The following SYT2 variants were observed in gnomAD, a reference collection of about 807,000 sequenced individuals.
SYT2 encodes synaptotagmin 2.
Under a neutral mutation model 39.9 loss-of-function variants are expected in SYT2, and 15 were observed. That is an observed-to-expected ratio of 0.38 (90% confidence interval 0.25 to 0.58). SYT2 has a LOEUF of 0.58. Ranked by LOEUF, SYT2 falls within the 20% of genes least tolerant of loss-of-function variation. The pLI, the probability that SYT2 is intolerant of heterozygous loss-of-function variation, is 0.70. For synonymous variants in SYT2, 181 were observed against 204.5 expected, an observed-to-expected ratio of 0.89 and a Z score of 0.98; for missense variants, 389 against 530.3, an observed-to-expected ratio of 0.73 and a Z score of 2.62.
chr1:202,698,005 C>G (rs1244026064), intron 1 of SYT2, among the ~76,000 whole-genome samples: 2 of 152,014 alleles, frequency 1.3e-5, no homozygotes, highest in Non-Finnish European at 2.9e-5. Flanking sequence ...CAGGAGGAGC[C>G]AGAGGGAAAG....
chr1:202,651,790 G>C (rs1692199121), intron 1 of SYT2, among the ~76,000 whole-genome samples: 1 of 152,208 alleles, frequency 6.6e-6, no homozygotes, highest in Admixed American at 6.5e-5. Context: ...GGCAGGCGTG[G>C]TGGCTCACGC....
chr1:202,709,607 C>T (rs1172502226), intron 1 of SYT2, among the ~76,000 whole-genome samples: 1 of 152,140 alleles, frequency 6.6e-6, no homozygotes, highest in Non-Finnish European at 1.5e-5. Flanking sequence ...GACGGGGCGT[C>T]CTAGGTCGTG....
chr1:202,645,394 G>A (rs866882489), intron 1 of SYT2, among the ~76,000 whole-genome samples: 41 of 152,330 alleles, frequency 2.7e-4, no homozygotes, highest in African/African-American at 9.9e-4. Flanking sequence ...TTGCTAGGAC[G>A]AGGGAGGATG....
chr1:202,637,846 G>A (rs1321839986), intron 1 of SYT2, among the ~76,000 whole-genome samples: 1 of 152,228 alleles, frequency 6.6e-6, no homozygotes, highest in Non-Finnish European at 1.5e-5. Context: ...CAATTTGGTG[G>A]CTGCGGGACC....
At position 202,654,120 on chromosome 1, in the gene SYT2, A is replaced by G. The variant is rs111654701; in HGVS notation, c.-17-48331T>C. Among the ~76,000 whole-genome samples, 1,231 of 152,314 alleles carry G rather than the reference A, an allele frequency of 8.1e-3. 16 individuals are homozygous for G. The highest frequency in any genetic ancestry group is 0.028 in the African/African-American group (1,153 of 41,566). On this transcript the variant is annotated intron_variant, in intron 1 of 8. Transcript: ENST00000367268. ...AGTGTTCAGGTCTCTGCCCTTGCCC[A>G]GCCACAGCTGAGCTTACTGGGGAAA... is the stretch of plus-strand genomic sequence containing the variant.
chr1:202,700,005 A>AATTCCAGTATAAG (rs1301367125), intron 1 of SYT2, among the ~76,000 whole-genome samples: 1 of 152,174 alleles, frequency 6.6e-6, no homozygotes, highest in Non-Finnish European at 1.5e-5. Flanking sequence ...AGCTTAAGAG[A>AATTCCAGTATAAG]ATTCCAGTAT....
intron 1 of SYT2, among the ~76,000 whole-genome samples, chr1:202,624,758 G>T (rs796977821): frequency 0.016 from 170 of 10,602 alleles, no homozygotes; most frequent in Middle Eastern, 0.036. Flanking sequence ...GGTGTGTGGT[G>T]TGTGTGTGGT....
chr1:202,631,255 C>T (rs1258919529), intron 1 of SYT2, among the ~76,000 whole-genome samples: 1 of 152,128 alleles, frequency 6.6e-6, no homozygotes, highest in East Asian at 1.9e-4. Flanking sequence ...TTCCAGTTCA[C>T]CCTACAGATG....
rs572736578 is a variant in SYT2, at chr1:202,595,168, C to T, written c.*1589G>A. 1 of 152,466 alleles carries T rather than the reference C, an allele frequency of 6.6e-6. No homozygotes were observed. The highest frequency in any genetic ancestry group is 6.5e-5 in the Admixed American group (1 of 15,310). The allele number at this position is 152,466 out of a possible 1,614,324, so 9.4% of individuals were successfully genotyped here. A position where few individuals can be genotyped will look rare whatever the true frequency, so the allele number is the denominator to read the frequency against. ...GGCAAGGAGGGCTGGCCTCTGGCCA[C>T]AAGGGGACCTCACTCTGTTGTCCAG... On this transcript the variant is annotated 3_prime_UTR_variant, in exon 9 of 9. Coordinates refer to ENST00000367268, the MANE Select transcript of SYT2 (RefSeq NM_177402.5).
At chr1:202,640,790 GAGACAGAC>G (rs796898888) in intron 1 of SYT2, among the ~76,000 whole-genome samples, 40 of 120,090 alleles carry the variant, frequency 3.3e-4, no homozygotes, top group Non-Finnish European at 4.8e-4. Flanking sequence ...GAGAGAGAGA[GAGACAGAC>G]AGACAGAGAG....
intron 1 of SYT2, among the ~76,000 whole-genome samples, chr1:202,629,896 GTT>G: frequency 2.7e-5 from 3 of 109,520 alleles, no homozygotes; most frequent in South Asian, 2.4e-4. Context: ...CGGCAGGTGT[GTT>G]GCTCAGAAGT....
At chr1:202,610,319 G>A (rs1387145105) in intron 1 of SYT2, among the ~76,000 whole-genome samples, 7 of 152,126 alleles carry the variant, frequency 4.6e-5, no homozygotes, top group Admixed American at 6.5e-5. Flanking sequence ...GTCAGGTACT[G>A]TGATGCCTCC....
chr1:202,650,414 G>GTTT (rs1558448699), intron 1 of SYT2, among the ~76,000 whole-genome samples: 3 of 150,732 alleles, frequency 2.0e-5, no homozygotes, highest in Admixed American at 6.6e-5. Context: ...TTTGGGGTCT[G>GTTT]CCAAACATTT....
Position 202,596,734 on chromosome 1 carries a change from T to C in SYT2, c.*23A>G. 3.1e-6 allele frequency: 5 copies of C among 1,605,310 alleles called. No individual in the cohort carries two copies. Among genetic ancestry groups the C allele is most frequent in the Non-Finnish European group, 4.3e-6 (5 of 1,173,634 alleles). ...GGATCTTGTCAGTGTCCGTGAAAGG[T>C]GTGGGGTCCCAGCCGCTGCTGTCTA... is the stretch of plus-strand genomic sequence containing the variant. On this transcript the variant is annotated 3_prime_UTR_variant, in exon 9 of 9. Transcript: ENST00000367268.
chr1:202,600,693 C>T (rs923219832), intron 6 of SYT2, among the ~76,000 whole-genome samples: 4 of 152,184 alleles, frequency 2.6e-5, no homozygotes, highest in African/African-American at 9.7e-5. Context: ...AGGTTGGGAC[C>T]TCAGGAGCCG....
At chr1:202,629,494 C>G (rs1691511047) in intron 1 of SYT2, among the ~76,000 whole-genome samples, 1 of 152,220 alleles carries the variant, frequency 6.6e-6, no homozygotes, top group Admixed American at 6.5e-5. Context: ...ACATCCTCCT[C>G]TCAGAAGTCA....
rs570589814 is a variant in SYT2 at position 202,678,198 on chromosome 1, T to C, written c.-18+32060A>G. Reference sequence around the variant, plus strand: ...CTGAGGCACAAGAATCATTTGAACCTGGAAGGCAGAGGTTGCAGTGAGCCG... The same window carrying C: ...CTGAGGCACAAGAATCATTTGAACCCGGAAGGCAGAGGTTGCAGTGAGCCG... On this transcript the variant is annotated intron_variant, in intron 1 of 8. Transcript: ENST00000367268. 5.7e-4 allele frequency among the ~76,000 whole-genome samples: 76 copies of C among 133,554 alleles called. 1 individual carries two copies. The South Asian group carries it at 9.5e-3, about 17-fold the overall frequency. 87.6% of individuals were successfully genotyped at this position (133,554 alleles called of 152,430 possible).
chr1:202,601,047 C>T lies in SYT2; in HGVS notation c.802-573G>A, dbSNP rs570969969. 6.6e-6 allele frequency among the ~76,000 whole-genome samples: 1 copy of T among 152,260 alleles called. No homozygotes were observed. The highest frequency in any genetic ancestry group is 2.4e-5 in the African/African-American group (1 of 41,540). ...TATCACTGCAACTCTTTGATGTAAA[C>T]AAGACAAGAATTCTTTGTAACCAAT... On this transcript the variant is annotated intron_variant, in intron 6 of 8. Transcript: ENST00000367268. This position sits in a 1 kb window ranked among gnomAD's most constrained non-coding sequence, Gnocchi z 4.0.
intron 1 of SYT2, among the ~76,000 whole-genome samples, chr1:202,622,525 C>A (rs1256926077): frequency 1.3e-5 from 2 of 152,142 alleles, no homozygotes; most frequent in East Asian, 1.9e-4. Flanking sequence ...CAGCAACACT[C>A]ATTTTCCTTC....
Sources: gnomAD v4.1 joint callset for allele counts (sites outside exome capture counted in the v4.1 genomes callset) on GRCh38, gnomAD v4.1.1 for gene constraint, Gnocchi (gnomAD v3.1) non-coding constraint, MANE v1.5 for transcripts, NCBI Gene and HGNC (gene_info 2026-07-23, HGNC 2026-07-21) for gene names.